The following KRTAP10-5 variants were observed in gnomAD, a reference collection of about 807,000 sequenced individuals.
KRTAP10-5 encodes keratin associated protein 10-5.
For missense variants in KRTAP10-5, 370 were observed against 351.2 expected (o/e 1.05, Z -0.43); for synonymous variants, 157 against 151.9 (o/e 1.03, Z -0.25).
chr21:44,580,153 C>T lies in KRTAP10-5; in HGVS notation c.426G>A (p.Val142=), dbSNP rs781794730. The T allele has an allele frequency of 3.7e-6, 6 of 1,611,996 alleles. No homozygotes were observed. In the Admixed American group the frequency reaches 6.7e-5, roughly 18 times the overall value. The change falls in exon 1 of 1, where the codon GTG becomes GTA. Residue 142 remains valine, a synonymous_variant. Coordinates refer to ENST00000400372, the MANE Select transcript of KRTAP10-5 (RefSeq NM_198694.3). ...AAGAGGAATCCTCAGAACAGGTGGG[C>T]ACACAGCACACGGGCTTGCAGCAGA... ...VPVCCKPVCC[V]PTCSEDSSSC...
Position 44,579,656 on chromosome 21 carries a change from A to G in KRTAP10-5, c.*107T>C. ...ATGGAGGGGGGGGTCACCTCAGCACATGGGGGCCCCGTCCCAAGCGGGGGC... is the reference window on the plus strand; with the variant it reads ...ATGGAGGGGGGGGTCACCTCAGCACGTGGGGGCCCCGTCCCAAGCGGGGGC... On this transcript the variant is annotated 3_prime_UTR_variant, in exon 1 of 1. Coordinates refer to ENST00000400372, the MANE Select transcript of KRTAP10-5 (RefSeq NM_198694.3). 6 of 1,421,078 alleles carry G rather than the reference A, an allele frequency of 4.2e-6. No homozygotes were observed. Among genetic ancestry groups the G allele is most frequent in the Non-Finnish European group, 5.7e-6 (6 of 1,054,908 alleles). The allele number at this position is 1,421,078 out of a possible 1,614,324, so 88.0% of individuals were successfully genotyped here. A position where few individuals can be genotyped will look rare whatever the true frequency, so the allele number is the denominator to read the frequency against.
chr21:44,580,418 G>T lies in KRTAP10-5; in HGVS notation c.161C>A (p.Ala54Glu), dbSNP rs782133350. Residue 54 changes from alanine (A) to glutamate (E), a missense_variant, in exon 1 of 1, where the codon GCG (alanine) becomes GAG (glutamate). Physicochemically the swap from Ala to Glu is moderately radical, Grantham distance 107. Coordinates refer to ENST00000400372, the MANE Select transcript of KRTAP10-5 (RefSeq NM_198694.3). ...TTGGCAGGGGCTGGGCTCACAGGCCGCCTGGCAGCAGGGGCTGGACACACA... is the reference window on the plus strand; with the variant it reads ...TTGGCAGGGGCTGGGCTCACAGGCCTCCTGGCAGCAGGGGCTGGACACACA... ...VSCVSSPCCQ[A>E]ACEPSPCQSG... The T allele has an allele frequency of 3.7e-6, 6 of 1,612,970 alleles. No homozygotes were observed. The highest frequency in any genetic ancestry group is 2.2e-5 in the South Asian group (2 of 91,014).
Sources: allele counts gnomAD v4.1 joint callset, GRCh38; gene constraint gnomAD v4.1.1; transcripts MANE v1.5; gene names NCBI Gene and HGNC (gene_info 2026-07-23, HGNC 2026-07-21).